Variants in SLC12A7 observed in about 807,000 individuals in gnomAD.
SLC12A7 encodes solute carrier family 12 member 7.
SLC12A7 carries 100 observed loss-of-function variants against 120.6 expected under a neutral mutation model. The observed-to-expected ratio is 0.83, with a 90% CI of 0.71 to 0.98. The LOEUF (loss-of-function observed/expected upper bound fraction) is 0.98. SLC12A7 is among the 50% of genes least tolerant of loss of function. SLC12A7 has a pLI of 0.00. For missense variants in SLC12A7, 1,373 were observed against 1,548.1 expected (o/e 0.89, Z 1.90); for synonymous variants, 760 against 678.0 (o/e 1.12, Z -1.88).
At chr5:1,126,954 T>C in the SLC12A7 span, among the ~76,000 whole-genome samples, 8 of 152,228 alleles carry the variant, frequency 5.3e-5, no homozygotes, top group East Asian at 1.2e-3. Context: ...CTCCTTGCAG[T>C]TGGGACCACA....
intron 1 of SLC12A7, among the ~76,000 whole-genome samples, chr5:1,110,563 C>T (rs1047682355): frequency 6.6e-6 from 1 of 152,226 alleles, no homozygotes; most frequent in African/African-American, 2.4e-5. Context: ...GAGAAGGGGC[C>T]GGCCAGACAA....
At chr5:1,084,785 G>C (rs1268425257) in intron 7 of SLC12A7, among the ~76,000 whole-genome samples, 1 of 152,090 alleles carries the variant, frequency 6.6e-6, no homozygotes, top group African/African-American at 2.4e-5. Context: ...GCGGGCTCTG[G>C]TGGCCACTCC....
the SLC12A7 span, among the ~76,000 whole-genome samples, chr5:1,155,321 G>C: frequency 2.0e-5 from 3 of 152,154 alleles, no homozygotes; most frequent in Admixed American, 6.5e-5. Context: ...GACGAGAACA[G>C]GGCCCCTTTT....
chr5:1,094,318 G>C, intron 1 of SLC12A7, 70 bp from the exon 2 acceptor site: 3 of 1,126,042 alleles, frequency 2.7e-6, no homozygotes, highest in Non-Finnish European at 4.1e-6. Context: ...GCCAACTACA[G>C]ATCTTGCACG....
At chr5:1,054,528 C>T (rs1267359667) in intron 22 of SLC12A7, among the ~76,000 whole-genome samples, 2 of 152,120 alleles carry the variant, frequency 1.3e-5, no homozygotes, top group African/African-American at 4.8e-5. Context: ...GGAGCACTTG[C>T]GTTTCTGTGT....
At chr5:1,095,062 G>C (rs1312675435) in intron 1 of SLC12A7, among the ~76,000 whole-genome samples, 3 of 131,024 alleles carry the variant, frequency 2.3e-5, no homozygotes, top group Admixed American at 7.3e-5. Context: ...GGGCCGGTAG[G>C]AGGTGGGGCC....
chr5:1,105,364 C>T (rs1742431984), intron 1 of SLC12A7, among the ~76,000 whole-genome samples: 1 of 149,472 alleles, frequency 6.7e-6, no homozygotes, highest in Admixed American at 6.6e-5. Context: ...GGGGACCCTC[C>T]CTGCAGGGAT....
At chr5:1,052,729 C>T (rs965474471) in intron 23 of SLC12A7, among the ~76,000 whole-genome samples, 8 of 152,292 alleles carry the variant, frequency 5.3e-5, no homozygotes, top group East Asian at 1.9e-4. Flanking sequence ...TGACCCCACC[C>T]GACAGGGAAC....
Position 1,060,344 on chromosome 5 carries a change from C to T in SLC12A7, c.2847G>A (p.Glu949=), listed in dbSNP as rs756610826. ...MQLSKNEQER[E]AQLIHDRNTA... is the part of the protein sequence containing the mutation. The stretch of plus-strand genomic sequence containing the variant: ...GTCTGTGGCCACGGCCCCCACGTAC[C>T]TCTCGCTCCTGCTCGTTCTTGGACA... The change falls in exon 21 of 24, where the codon GAG becomes GAA. Residue 949 remains glutamate (E), a splice_region_variant and synonymous_variant. Coordinates refer to ENST00000264930, the MANE Select transcript of SLC12A7 (RefSeq NM_006598.3). The T allele has an allele frequency of 1.4e-5, 22 of 1,611,768 alleles. No homozygotes were observed. The highest frequency in any genetic ancestry group is 1.8e-5 in the Non-Finnish European group (21 of 1,178,480).
chr5:1,082,429 C>A (rs1739278294), intron 8 of SLC12A7, among the ~76,000 whole-genome samples: 1 of 142,598 alleles, frequency 7.0e-6, no homozygotes, highest in Non-Finnish European at 1.5e-5. Context: ...GCCTGGGCTT[C>A]CCATCTTGGG....
At chr5:1,147,889 G>A in the SLC12A7 span, among the ~76,000 whole-genome samples, 1 of 152,070 alleles carries the variant, frequency 6.6e-6, no homozygotes, top group Non-Finnish European at 1.5e-5. Context: ...GCACCACCAC[G>A]CCTGGCTAAT....
chr5:1,130,627 A>ACACGCGT, the SLC12A7 span, among the ~76,000 whole-genome samples: 1 of 110,050 alleles, frequency 9.1e-6, no homozygotes, highest in Non-Finnish European at 1.9e-5. Context: ...GGGTGGGGGC[A>ACACGCGT]GCAGGGAGGG....
At position 1,073,815 on chromosome 5, in the gene SLC12A7, G is replaced by A. The variant is rs750608749; in HGVS notation, c.2073-14C>T. 7 of 1,398,494 alleles carry A rather than the reference G, an allele frequency of 5.0e-6. No homozygotes were observed. Among genetic ancestry groups the A allele is most frequent in the African/African-American group, 3.0e-5 (2 of 67,256 alleles). 86.6% of individuals were successfully genotyped at this position (1,398,494 alleles called of 1,614,324 possible). On this transcript the variant is annotated splice_polypyrimidine_tract_variant and intron_variant, in intron 16 of 23. Transcript: ENST00000264930. The stretch of plus-strand genomic sequence containing the variant: ...AGCACCTGGGGCCTGCAGCCAGGGT[G>A]GGGCGGCTGTTACCACGGCAACGCT...
chr5:1,073,625 C>T lies in SLC12A7; in HGVS notation c.2241+8G>A, dbSNP rs181650488. On this transcript the variant is annotated splice_region_variant and intron_variant, in intron 17 of 23. Coordinates refer to ENST00000264930, the MANE Select transcript of SLC12A7 (RefSeq NM_006598.3). Reference sequence around the variant, plus strand: ...AGAGGCCTGGCCCCCAGACCCCGCCCGGCCCACCTCCTCGGCCCGCTGAGC... The same window carrying T: ...AGAGGCCTGGCCCCCAGACCCCGCCTGGCCCACCTCCTCGGCCCGCTGAGC... 66 of 1,597,934 alleles carry T rather than the reference C, an allele frequency of 4.1e-5. No homozygotes were observed. In the African/African-American group the frequency reaches 4.6e-4, roughly 11 times the overall value.
At chr5:1,055,276 A>C (rs1735490311) in intron 22 of SLC12A7, among the ~76,000 whole-genome samples, 1 of 152,248 alleles carries the variant, frequency 6.6e-6, no homozygotes, top group Non-Finnish European at 1.5e-5. Context: ...AACATGTAAG[A>C]CATGCATAGT....
intron 2 of SLC12A7, 63 bp from the exon 3 acceptor site, chr5:1,093,718 C>G: frequency 6.3e-7 from 1 of 1,599,798 alleles, no homozygotes; most frequent in Non-Finnish European, 8.5e-7. Context: ...CGACCTCCCT[C>G]CCCGTGTTCA....
chr5:1,090,186 TCA>T (rs1561087131), intron 3 of SLC12A7, among the ~76,000 whole-genome samples: 1 of 152,102 alleles, frequency 6.6e-6, no homozygotes, highest in Non-Finnish European at 1.5e-5. Flanking sequence ...GAACACCACA[TCA>T]CAAAAGCAAA....
chr5:1,098,764 C>A (rs1463432592), intron 1 of SLC12A7, among the ~76,000 whole-genome samples: 1 of 112,364 alleles, frequency 8.9e-6, no homozygotes, highest in Admixed American at 8.3e-5. Context: ...CCCAGCCCCC[C>A]TCTAACCCTC....
At position 1,093,553 on chromosome 5, in the gene SLC12A7, TCTC is replaced by T. The variant is rs1277199066; in HGVS notation, c.319_321del (p.Glu107del). Reference sequence around the variant, plus strand: ...AGTACCTTGGCCTCCCGCCGCCGGCTCTCCTCGTCCTCCTCGTGCTCCACCACG... The same window carrying T: ...AGTACCTTGGCCTCCCGCCGCCGGCTCTCGTCCTCCTCGTGCTCCACCACG... On this transcript the variant is annotated inframe_deletion, in exon 3 of 24. Coordinates refer to ENST00000264930, the MANE Select transcript of SLC12A7 (RefSeq NM_006598.3). The T allele has an allele frequency of 6.9e-6, 11 of 1,600,536 alleles. No homozygotes were observed. Among genetic ancestry groups the T allele is most frequent in the Non-Finnish European group, 7.7e-6 (9 of 1,174,700 alleles).
Sources: allele counts gnomAD v4.1 joint callset (sites outside exome capture counted in the v4.1 genomes callset), GRCh38; gene constraint gnomAD v4.1.1; transcripts MANE v1.5; gene names NCBI Gene and HGNC (gene_info 2026-07-23, HGNC 2026-07-21).